CNOT4: variants seen among roughly 807,000 people sequenced by gnomAD.
CNOT4 encodes CCR4-associated factor 4.
A neutral mutation model predicts 73.8 loss-of-function variants in CNOT4; 8 were observed. The observed-to-expected ratio is 0.11, with a 90% CI of 0.06 to 0.20. The LOEUF (loss-of-function observed/expected upper bound fraction) is 0.20, where lower values mean the gene tolerates loss of function less well. Among genes scored for constraint, CNOT4 ranks in the 10% least tolerant of loss-of-function variants. The pLI is 1.00. For missense variants in CNOT4, 564 were observed against 883.4 expected (o/e 0.64, Z 4.58); for synonymous variants, 293 against 321.1 (o/e 0.91, Z 0.94).
chr7:135,467,824 A>C (rs1449682834), intron 1 of CNOT4, among the ~76,000 whole-genome samples: 1 of 152,238 alleles, frequency 6.6e-6, no homozygotes, highest in African/African-American at 2.4e-5. Context: ...AAAACAAGGA[A>C]GTTGGTGCTT....
chr7:135,470,635 A>G (rs1024865566), intron 1 of CNOT4, among the ~76,000 whole-genome samples: 1 of 152,100 alleles, frequency 6.6e-6, no homozygotes, highest in African/African-American at 2.4e-5. Flanking sequence ...TGGTATACTC[A>G]TTCAACAGAA....
At chr7:135,422,810 A>G (rs1798264300) in intron 2 of CNOT4, among the ~76,000 whole-genome samples, 1 of 152,214 alleles carries the variant, frequency 6.6e-6, no homozygotes, top group Non-Finnish European at 1.5e-5. Flanking sequence ...TCTTAAAGCA[A>G]TTATTACTGT....
chr7:135,417,868 CAGA>C (rs1797954826), intron 3 of CNOT4, among the ~76,000 whole-genome samples: 1 of 152,288 alleles, frequency 6.6e-6, no homozygotes, highest in Admixed American at 6.5e-5. Context: ...GTTGCTGTGC[CAGA>C]AGCACTTTAC....
chr7:135,504,462 ATTTTTTTTTTTTTTTTT>A (rs34100799), intron 1 of CNOT4, among the ~76,000 whole-genome samples: 8 of 55,942 alleles, frequency 1.4e-4, no homozygotes, highest in Non-Finnish European at 1.9e-4. Flanking sequence ...CATCCGGCTA[ATTTTTTTTTTTTTTTTT>A]TTTTTTTTTT....
intron 2 of CNOT4, among the ~76,000 whole-genome samples, chr7:135,434,896 C>T (rs1427487135): frequency 2.0e-5 from 3 of 152,086 alleles, no homozygotes; most frequent in African/African-American, 7.2e-5. Context: ...TGCAGTCATC[C>T]TCAACTCTCT....
chr7:135,421,096 G>A lies in CNOT4; in HGVS notation c.372+1060C>T, dbSNP rs925903407. Among the ~76,000 whole-genome samples, 11 of 152,098 alleles carry A rather than the reference G, an allele frequency of 7.2e-5. No homozygotes were observed. The East Asian group carries it at 1.7e-3, about 24-fold the overall frequency. ...TCTTACTAATGTCCCTGACTTTCGC[G>A]GGGTCAAAATCATTTCGTATTGATT... On this transcript the variant is annotated intron_variant, in intron 3 of 11. Transcript: ENST00000541284.
intron 10 of CNOT4, among the ~76,000 whole-genome samples, chr7:135,368,433 G>A (rs993109969): frequency 6.6e-6 from 1 of 152,126 alleles, no homozygotes; most frequent in African/African-American, 2.4e-5. Flanking sequence ...CTTAAACCAT[G>A]ACCTCTGTTT....
chr7:135,434,046 G>A (rs965573285), intron 2 of CNOT4, among the ~76,000 whole-genome samples: 1 of 152,180 alleles, frequency 6.6e-6, no homozygotes, highest in African/African-American at 2.4e-5. Context: ...CTGAGAACAG[G>A]AGCTTGATTC....
rs1794753546 is a variant in CNOT4, at chr7:135,363,544, A to G, written c.1840+310T>C. On this transcript the variant is annotated intron_variant, in intron 11 of 11. Transcript: ENST00000541284. The surrounding 1 kb of genome is among the most constrained non-coding windows in gnomAD (Gnocchi z 4.3). ...AGAGCTTTATAACAAAAAGTGGAGT[A>G]TGTTCCTTATAAGAAGAGTAAGTCA... Among the ~76,000 whole-genome samples the G allele has an allele frequency of 6.6e-6, 1 of 152,236 alleles. No individual in the cohort carries two copies. Among genetic ancestry groups the G allele is most frequent in the South Asian group, 2.1e-4 (1 of 4,832 alleles).
rs1196562317 is a variant in CNOT4 at position 135,453,823 on chromosome 7, ATT to A, written c.-92-15402_-92-15401del. Among the ~76,000 whole-genome samples the A allele has an allele frequency of 6.1e-4, 45 of 73,764 alleles. No homozygotes were observed. The South Asian group carries it at 0.017, about 28-fold the overall frequency. The allele number at this position is 73,764 out of a possible 152,430, so 48.4% of individuals were successfully genotyped here. A position where few individuals can be genotyped will look rare whatever the true frequency, so the allele number is the denominator to read the frequency against. ...ATAAATATATATAATAAATATATAT[ATT>A]TTATATATATATATATATATATTAT... On this transcript the variant is annotated intron_variant, in intron 1 of 11. Coordinates refer to ENST00000541284, the MANE Select transcript of CNOT4 (RefSeq NM_001190850.2).
At chr7:135,381,973 A>G (rs1002077875) in intron 10 of CNOT4, among the ~76,000 whole-genome samples, 1 of 152,186 alleles carries the variant, frequency 6.6e-6, no homozygotes, top group East Asian at 1.9e-4. Context: ...AGCTTCCAGG[A>G]ACTCTTAGAA....
chr7:135,453,846 A>ATATATATATATTATATATATATATATATT (rs901694822), intron 1 of CNOT4, among the ~76,000 whole-genome samples: 1 of 123,268 alleles, frequency 8.1e-6, no homozygotes, highest in Non-Finnish European at 1.8e-5. Context: ...ATATATATAT[A>ATATATATATATTATATATATATATATATT]TTATATATAT....
chr7:135,430,720 T>C (rs537913793), intron 2 of CNOT4, among the ~76,000 whole-genome samples: 1 of 152,282 alleles, frequency 6.6e-6, no homozygotes, highest in African/African-American at 2.4e-5. Flanking sequence ...ATCTCAATAG[T>C]ATCAAAAAAG....
rs542842633 is a variant in CNOT4, at chr7:135,364,659, C to T, written c.1628-593G>A. On this transcript the variant is annotated intron_variant, in intron 10 of 11. Transcript: ENST00000541284. The surrounding 1 kb of genome is among the most constrained non-coding windows in gnomAD (Gnocchi z 4.3). ...TGTATTTCCATTTAGTCACTAAGGC[C>T]GAGGAGGCAGGAGCTGATACCTTCT... 4.6e-5 allele frequency among the ~76,000 whole-genome samples: 7 copies of T among 152,276 alleles called. No homozygotes were observed. The highest frequency in any genetic ancestry group is 1.9e-4 in the East Asian group (1 of 5,190).
chr7:135,411,249 T>A (rs2696878), intron 6 of CNOT4, among the ~76,000 whole-genome samples: 8,875 of 152,112 alleles, frequency 0.058, 313 homozygotes, highest in African/African-American at 0.097. Flanking sequence ...AGACCCAGGG[T>A]CAGCAATTTA....
intron 10 of CNOT4, among the ~76,000 whole-genome samples, chr7:135,366,268 C>T (rs1313176340): frequency 1.3e-5 from 2 of 152,136 alleles, no homozygotes; most frequent in East Asian, 1.9e-4. Flanking sequence ...TTTAATTTTG[C>T]ATTAACAGAA....
At chr7:135,500,271 G>A (rs1803872883) in intron 1 of CNOT4, among the ~76,000 whole-genome samples, 1 of 152,146 alleles carries the variant, frequency 6.6e-6, no homozygotes, top group South Asian at 2.1e-4. Context: ...ATTGAAGGAA[G>A]CATGAAGATA....
chr7:135,493,316 C>T (rs1803240142), intron 1 of CNOT4, among the ~76,000 whole-genome samples: 1 of 152,188 alleles, frequency 6.6e-6, no homozygotes, highest in African/African-American at 2.4e-5. Flanking sequence ...TGTATACTAC[C>T]ATGCCTGGCC....
At chr7:135,488,901 G>A (rs891166996) in intron 1 of CNOT4, among the ~76,000 whole-genome samples, 1 of 151,760 alleles carries the variant, frequency 6.6e-6, no homozygotes, top group African/African-American at 2.4e-5. Flanking sequence ...TACTACCATG[G>A]GTAAGGTATG....
Sources: allele counts gnomAD v4.1 joint callset (sites outside exome capture counted in the v4.1 genomes callset), GRCh38; gene constraint gnomAD v4.1.1; non-coding constraint Gnocchi (gnomAD v3.1); transcripts MANE v1.5; gene names NCBI Gene and HGNC (gene_info 2026-07-23, HGNC 2026-07-21).